Variants in ADGRL3 observed in about 807,000 individuals in gnomAD.
ADGRL3 encodes the protein adhesion G protein-coupled receptor L3.
In ADGRL3, 62 loss-of-function variants were observed where a neutral mutation model predicts 153.5. The ratio of observed to expected loss-of-function variants is 0.40; its 90% CI spans 0.33 to 0.50. The LOEUF (loss-of-function observed/expected upper bound fraction) is 0.50. Ranked by LOEUF, ADGRL3 falls within the 20% of genes least tolerant of loss-of-function variation. The pLI is 0.47. For missense variants in ADGRL3, 1,641 were observed against 1,859.4 expected, an observed-to-expected ratio of 0.88 and a Z score of 2.16; for synonymous variants, 710 against 672.5, an observed-to-expected ratio of 1.06 and a Z score of -0.86.
At chr4:61,556,433 G>A (rs1043350309) in intron 4 of ADGRL3, among the ~76,000 whole-genome samples, 2 of 152,036 alleles carry the variant, frequency 1.3e-5, no homozygotes, top group African/African-American at 4.8e-5. Context: ...CAGCAGGGAG[G>A]GAGCAGAGTC....
chr4:61,588,238 T>C (rs759648758), intron 5 of ADGRL3, among the ~76,000 whole-genome samples: 1 of 152,028 alleles, frequency 6.6e-6, no homozygotes, highest in South Asian at 2.1e-4. Flanking sequence ...TTTCTTTTCC[T>C]TCTATTATTT....
At chr4:61,546,510 A>C (rs1415475472) in intron 4 of ADGRL3, among the ~76,000 whole-genome samples, 1 of 152,150 alleles carries the variant, frequency 6.6e-6, no homozygotes, top group Non-Finnish European at 1.5e-5. Flanking sequence ...ATATTTTACT[A>C]TTCTCATTGC....
chr4:61,672,107 T>A (rs1252257427), intron 5 of ADGRL3, among the ~76,000 whole-genome samples: 1 of 152,130 alleles, frequency 6.6e-6, no homozygotes, highest in Non-Finnish European at 1.5e-5. Flanking sequence ...GCTTCTGGGG[T>A]CATATTCCCC....
chr4:61,600,307 CAAAA>C (rs60557691), intron 5 of ADGRL3, among the ~76,000 whole-genome samples: 5 of 61,778 alleles, frequency 8.1e-5, no homozygotes, highest in African/African-American at 2.0e-4. Context: ...GGCTGCCTTG[CAAAA>C]AAAAAAAAAA....
chr4:61,645,562 T>G (rs961595046), intron 5 of ADGRL3, among the ~76,000 whole-genome samples: 1 of 152,156 alleles, frequency 6.6e-6, no homozygotes, highest in African/African-American at 2.4e-5. Context: ...TTTGGCTGGA[T>G]ATGAAATTCT....
chr4:61,989,251 G>A (rs73823289), intron 19 of ADGRL3, among the ~76,000 whole-genome samples: 2,682 of 152,132 alleles, frequency 0.018, 90 homozygotes, highest in African/African-American at 0.061. Context: ...CAATTCCTTA[G>A]CATTTCAAAT....
intron 21 of ADGRL3, among the ~76,000 whole-genome samples, chr4:62,003,146 C>T (rs749796879): frequency 6.6e-6 from 1 of 152,078 alleles, no homozygotes; most frequent in Non-Finnish European, 1.5e-5. Flanking sequence ...GTGAAGGGAA[C>T]ACGGAATCTA....
chr4:61,921,172 C>G (rs574349614), intron 13 of ADGRL3, among the ~76,000 whole-genome samples: 5 of 152,096 alleles, frequency 3.3e-5, no homozygotes, highest in African/African-American at 1.2e-4. Flanking sequence ...TGAAACTTCT[C>G]AGATTGCATT....
At chr4:62,034,720 G>A (rs542538628) in intron 23 of ADGRL3, among the ~76,000 whole-genome samples, 4 of 151,666 alleles carry the variant, frequency 2.6e-5, no homozygotes, top group South Asian at 2.1e-4. Flanking sequence ...ATTATTTGTC[G>A]AATGTTTCAA....
chr4:61,559,053 G>A (rs1451765502), intron 4 of ADGRL3, among the ~76,000 whole-genome samples: 1 of 151,942 alleles, frequency 6.6e-6, no homozygotes, highest in Non-Finnish European at 1.5e-5. Flanking sequence ...CTTAGCACAG[G>A]TACTGGTGTA....
intron 2 of ADGRL3, among the ~76,000 whole-genome samples, chr4:61,424,183 G>C (rs541714557): frequency 6.6e-6 from 1 of 152,018 alleles, no homozygotes; most frequent in Admixed American, 6.6e-5. Flanking sequence ...GACAACAGTG[G>C]CTCAGAGTCA....
rs373143196 is a variant in ADGRL3, at chr4:61,988,089, T to A, written c.3236+4486T>A. Among the ~76,000 whole-genome samples the A allele has an allele frequency of 2.2e-4, 33 of 152,270 alleles. 1 individual carries two copies. The highest frequency in any genetic ancestry group is 1.3e-4 in the Admixed American group (2 of 15,296). On this transcript the variant is annotated intron_variant, in intron 19 of 26. Coordinates refer to ENST00000683033, the MANE Select transcript of ADGRL3 (RefSeq NM_001387552.1). ...TGGCTGATGGATTTTGATGTTTTTC[T>A]ATGAAATGTTGTTAGGGCTATTGAA...
At chr4:61,252,394 T>C (rs1759639199) in intron 1 of ADGRL3, among the ~76,000 whole-genome samples, 1 of 152,206 alleles carries the variant, frequency 6.6e-6, no homozygotes, top group African/African-American at 2.4e-5. Context: ...CACTATTTTG[T>C]CAAAAGATTT....
chr4:62,049,804 A>T (rs904203388), intron 25 of ADGRL3, among the ~76,000 whole-genome samples: 1 of 152,122 alleles, frequency 6.6e-6, no homozygotes, highest in Non-Finnish European at 1.5e-5. Flanking sequence ...CTGAGTTTTA[A>T]TCCAGAGACC....
chr4:61,989,690 A>G (rs976207648), intron 19 of ADGRL3, among the ~76,000 whole-genome samples: 1 of 152,076 alleles, frequency 6.6e-6, no homozygotes, highest in African/African-American at 2.4e-5. Context: ...TACCAGGACT[A>G]TATCAGAGAT....
At chr4:61,742,955 G>A (rs1178673322) in intron 8 of ADGRL3, among the ~76,000 whole-genome samples, 1 of 151,210 alleles carries the variant, frequency 6.6e-6, no homozygotes, top group African/African-American at 2.4e-5. Flanking sequence ...ATTAGCCAGT[G>A]CTTTCTATAT....
chr4:61,224,591 T>C (rs759920021), intron 1 of ADGRL3, among the ~76,000 whole-genome samples: 20 of 152,182 alleles, frequency 1.3e-4, no homozygotes, highest in Non-Finnish European at 2.8e-4. Flanking sequence ...TTGTTTAACG[T>C]ATGTCAGTAG....
intron 9 of ADGRL3, among the ~76,000 whole-genome samples, chr4:61,853,124 G>A (rs2098226683): frequency 6.6e-6 from 1 of 151,992 alleles, no homozygotes; most frequent in East Asian, 1.9e-4. Context: ...CAGGTGTGGA[G>A]CCACTGCCCC....
In ADGRL3 at chr4:61,792,639, G is replaced by A. The variant is rs372118113; in HGVS notation, c.1400-21170G>A. ...TGAGTAGCTGGGATTACAGGTGCAT[G>A]CCACCACACCCAGCTAATTTTTGTA... On this transcript the variant is annotated intron_variant, in intron 8 of 26. Transcript: ENST00000683033. Among the ~76,000 whole-genome samples the A allele has an allele frequency of 1.7e-4, 26 of 151,902 alleles. 1 individual carries two copies. Among genetic ancestry groups the A allele is most frequent in the African/African-American group, 6.0e-4 (25 of 41,456 alleles).
Sources: gnomAD v4.1 joint callset for allele counts (sites outside exome capture counted in the v4.1 genomes callset) on GRCh38, gnomAD v4.1.1 for gene constraint, MANE v1.5 for transcripts, NCBI Gene and HGNC (gene_info 2026-07-23, HGNC 2026-07-21) for gene names.